ATP2C2: variants seen among roughly 807,000 people sequenced by gnomAD.
ATP2C2 encodes the protein calcium-transporting ATPase type 2C member 2.
A neutral mutation model predicts 110.8 loss-of-function variants in ATP2C2; 171 were observed. That is an observed-to-expected ratio of 1.54 (90% confidence interval 1.36 to 1.75). ATP2C2 has a LOEUF of 1.75. ATP2C2 is among the 40% of genes most tolerant of loss of function. The pLI, the probability that ATP2C2 is intolerant of heterozygous loss-of-function variation, is 0.00. For synonymous variants in ATP2C2, 804 were observed against 508.4 expected, an observed-to-expected ratio of 1.58 and a Z score of -7.82; for missense variants, 1,963 against 1,235.0, an observed-to-expected ratio of 1.59 and a Z score of -8.84.
chr16:84,389,188 C>A (rs994315071), intron 1 of ATP2C2, among the ~76,000 whole-genome samples: 13 of 152,216 alleles, frequency 8.5e-5, no homozygotes, highest in Non-Finnish European at 1.6e-4. Flanking sequence ...TTGGGATTCC[C>A]ACATGAGCCG....
intron 6 of ATP2C2, among the ~76,000 whole-genome samples, chr16:84,411,804 G>A (rs947511618): frequency 1.3e-5 from 2 of 152,148 alleles, no homozygotes; most frequent in Non-Finnish European, 2.9e-5. Flanking sequence ...CATGGACCTA[G>A]TGGCTACCAT....
intron 1 of ATP2C2, among the ~76,000 whole-genome samples, chr16:84,372,239 T>A (rs192045995): frequency 6.3e-4 from 96 of 152,282 alleles, no homozygotes; most frequent in African/African-American, 2.3e-3. Context: ...ATTAGAACTG[T>A]GATAAAACAG....
chr16:84,441,399 G>A (rs1909241254), intron 14 of ATP2C2, among the ~76,000 whole-genome samples: 1 of 152,174 alleles, frequency 6.6e-6, no homozygotes, highest in African/African-American at 2.4e-5. Flanking sequence ...GTGAGCCTGT[G>A]ATGAATTTCC....
Position 84,406,870 on chromosome 16 carries a change from C to A in ATP2C2, c.328-1535C>A, listed in dbSNP as rs551502700. 1.1e-3 allele frequency among the ~76,000 whole-genome samples: 170 copies of A among 152,282 alleles called. 1 individual carries two copies. Among genetic ancestry groups the A allele is most frequent in the Non-Finnish European group, 1.8e-3 (125 of 68,036 alleles). On this transcript the variant is annotated intron_variant, in intron 3 of 26. Transcript: ENST00000262429. ...CCCCTGGTTATCCTCCTTCCTCGTT[C>A]CCCTCTGCTCTGTCGAAACCCACCG...
At chr16:84,425,663 G>A (rs1907743753) in intron 10 of ATP2C2, 72 bp from the exon 11 acceptor site, 2 of 1,525,810 alleles carry the variant, frequency 1.3e-6, no homozygotes, top group Non-Finnish European at 1.8e-6. Context: ...TTAAGGAAGT[G>A]AGTTTGAATC....
intron 1 of ATP2C2, among the ~76,000 whole-genome samples, chr16:84,372,812 C>G (rs1249299568): frequency 1.3e-5 from 2 of 151,950 alleles, no homozygotes; most frequent in East Asian, 3.9e-4. Flanking sequence ...TTGCTTATAA[C>G]TCAACTATAA....
At chr16:84,414,123 A>T (rs559936056) in intron 6 of ATP2C2, among the ~76,000 whole-genome samples, 51 of 152,334 alleles carry the variant, frequency 3.3e-4, no homozygotes, top group Middle Eastern at 3.4e-3. Flanking sequence ...AGAGGAGGTG[A>T]CATTTAAGCT....
chr16:84,429,719 G>GATCT (rs1251301819), intron 11 of ATP2C2, among the ~76,000 whole-genome samples: 5 of 152,248 alleles, frequency 3.3e-5, no homozygotes, highest in African/African-American at 1.2e-4. Flanking sequence ...GTGAAGCTGA[G>GATCT]ATCTGGAGGA....
chr16:84,459,568 A>G lies in ATP2C2; in HGVS notation c.2333+182A>G, dbSNP rs116217307. On this transcript the variant is annotated intron_variant, in intron 23 of 26. Transcript: ENST00000262429. ...AGACTGGGAGTAGAAGGCAGAGGAG[A>G]AAGTACCTGGGCCGGCAGAGCTGGG... 2.9e-3 allele frequency: 4,406 copies of G among 1,536,656 alleles called. 116 individuals carry two copies. The African/African-American group carries it at 0.054, about 19-fold the overall frequency.
At position 84,416,265 on chromosome 16, in the gene ATP2C2, C is replaced by T. The variant is rs572450298; in HGVS notation, c.624+674C>T. Among the ~76,000 whole-genome samples, 17 of 152,324 alleles carry T rather than the reference C, an allele frequency of 1.1e-4. No individual in the cohort carries two copies. In the South Asian group the frequency reaches 3.5e-3, roughly 32 times the overall value. ...GCTTCACAGAGCCATGCCTGAGGCA[C>T]TCTGCTGAGATTATCCTGGGTTCCC... is the stretch of plus-strand genomic sequence containing the variant. On this transcript the variant is annotated intron_variant, in intron 7 of 26. Coordinates refer to ENST00000262429, the MANE Select transcript of ATP2C2 (RefSeq NM_014861.4).
rs558128348 is a variant in ATP2C2, at chr16:84,452,443, C to G, written c.1831+352C>G. Among the ~76,000 whole-genome samples the G allele has an allele frequency of 2.6e-5, 4 of 151,626 alleles. No individual in the cohort carries two copies. The South Asian group carries it at 8.4e-4, about 32-fold the overall frequency. On this transcript the variant is annotated intron_variant, in intron 18 of 26. Coordinates refer to ENST00000262429, the MANE Select transcript of ATP2C2 (RefSeq NM_014861.4). ...ACCCTTGGCAAACCATTGAACCACT[C>G]TGACCCTCAGTCTCTTCATCAATAG...
At position 84,436,702 on chromosome 16, in the gene ATP2C2, C is replaced by T. The variant is rs537239694; in HGVS notation, c.987-2464C>T. Reference sequence around the variant, plus strand: ...GGGTGGAGGTTTGGTGGGGAGGATCCGGCCAACCTCCCTCACCTGCTCAAA... The same window carrying T: ...GGGTGGAGGTTTGGTGGGGAGGATCTGGCCAACCTCCCTCACCTGCTCAAA... On this transcript the variant is annotated intron_variant, in intron 11 of 26. Transcript: ENST00000262429. 5.1e-4 allele frequency among the ~76,000 whole-genome samples: 78 copies of T among 152,078 alleles called. No homozygotes were observed. The South Asian group carries it at 0.013, about 25-fold the overall frequency.
chr16:84,373,947 G>C (rs1350413163), intron 1 of ATP2C2, among the ~76,000 whole-genome samples: 1 of 152,186 alleles, frequency 6.6e-6, no homozygotes, highest in Non-Finnish European at 1.5e-5. Context: ...TGCTAGTTTA[G>C]GATAATCAGA....
chr16:84,459,812 C>G (rs1200983994), intron 23 of ATP2C2: 8 of 491,830 alleles, frequency 1.6e-5, no homozygotes, highest in African/African-American at 1.4e-4. Context: ...TCTGTCTCCC[C>G]TTTAGAACAT....
Position 84,452,367 on chromosome 16 carries a change from C to A in ATP2C2, c.1831+276C>A, listed in dbSNP as rs201090912. ...GCTTTTCATCCGCTGTCTTCACAGGCAGCATCATGGCCATGTACAGTTTCA... is the reference window on the plus strand; with the variant it reads ...GCTTTTCATCCGCTGTCTTCACAGGAAGCATCATGGCCATGTACAGTTTCA... On this transcript the variant is annotated intron_variant, in intron 18 of 26. Transcript: ENST00000262429. 2.6e-5 allele frequency among the ~76,000 whole-genome samples: 4 copies of A among 152,322 alleles called. No individual in the cohort carries two copies. The East Asian group carries it at 7.7e-4, about 29-fold the overall frequency.
Position 84,461,763 on chromosome 16 carries a change from C to T in ATP2C2, c.2531C>T (p.Thr844Ile), listed in dbSNP as rs1418740919. The change falls in exon 25 of 27, where the codon ACT (threonine) becomes ATT (isoleucine). Residue 844 changes from threonine (T) to isoleucine (I), a missense_variant. By Grantham distance (89) the Thr-to-Ile change is moderately conservative (BLOSUM62 -1). Transcript: ENST00000262429. ...CCCCGCACCACGACGATGACGTTCA[C>T]TTGTTTTGTGTTTTTCGATCTCTTC... is the stretch of plus-strand genomic sequence containing the variant. ...STPRTTTMTF[T>I]CFVFFDLFNA... 1 of 1,614,080 alleles carries T rather than the reference C, an allele frequency of 6.2e-7. No individual in the cohort carries two copies. The highest frequency in any genetic ancestry group is 1.3e-5 in the African/African-American group (1 of 74,930).
chr16:84,444,772 C>G (rs983561031), intron 15 of ATP2C2, among the ~76,000 whole-genome samples: 1 of 152,124 alleles, frequency 6.6e-6, no homozygotes, highest in Non-Finnish European at 1.5e-5. Flanking sequence ...TTCCTTTTTC[C>G]TGGGGCCTGG....
chr16:84,448,345 G>C (rs183358738), intron 16 of ATP2C2, among the ~76,000 whole-genome samples, 188 bp from the exon 17 acceptor site: 2 of 152,144 alleles, frequency 1.3e-5, no homozygotes, highest in Non-Finnish European at 2.9e-5. Flanking sequence ...ACTGCAAAAC[G>C]TTCCATGGAT....
intron 11 of ATP2C2, among the ~76,000 whole-genome samples, chr16:84,432,680 C>G (rs1466509031): frequency 2.0e-5 from 3 of 152,044 alleles, no homozygotes; most frequent in African/African-American, 7.2e-5. Flanking sequence ...GCCACCACAC[C>G]CAGCTAATTT....
Sources: gnomAD v4.1 joint callset for allele counts (sites outside exome capture counted in the v4.1 genomes callset) on GRCh38, gnomAD v4.1.1 for gene constraint, MANE v1.5 for transcripts, NCBI Gene and HGNC (gene_info 2026-07-23, HGNC 2026-07-21) for gene names.